The following EFHC1 variants were observed in gnomAD, a reference collection of about 807,000 sequenced individuals.
EFHC1 encodes EF-hand domain-containing protein 1.
In EFHC1, 53 loss-of-function variants were observed where a neutral mutation model predicts 69.9. That is an observed-to-expected ratio of 0.76 (90% CI 0.61 to 0.95). The LOEUF is 0.95. Ranked by LOEUF, EFHC1 falls within the 40% of genes least tolerant of loss-of-function variation. EFHC1 has a pLI of 0.00. For missense variants in EFHC1, 739 were observed against 798.7 expected (o/e 0.93, Z 0.90); for synonymous variants, 256 against 278.4 (o/e 0.92, Z 0.80).
rs188864545 is a variant in EFHC1, at chr6:52,476,481, C to T, written c.1279-2556C>T. Among the ~76,000 whole-genome samples, 143 of 152,278 alleles carry T rather than the reference C, an allele frequency of 9.4e-4. 1 individual carries two copies. Among genetic ancestry groups the T allele is most frequent in the East Asian group, 1.5e-3 (8 of 5,188 alleles). ...CAGGATTCCCATAATCTCAAAACAT[C>T]TCCCCCAAGATGTTTTGTAATTGCA... On this transcript the variant is annotated intron_variant, in intron 7 of 10. Coordinates refer to ENST00000371068, the MANE Select transcript of EFHC1 (RefSeq NM_018100.4).
At position 52,495,998 on chromosome 6, in the gene EFHC1, C is replaced by A. The variant is rs905028680; in HGVS notation, c.*3657C>A. 2.8e-5 allele frequency: 6 copies of A among 214,294 alleles called. 1 individual carries two copies. Among genetic ancestry groups the A allele is most frequent in the Admixed American group, 1.6e-4 (3 of 19,112 alleles). 13.3% of individuals were successfully genotyped at this position (214,294 alleles called of 1,614,324 possible). A position where few individuals can be genotyped will look rare whatever the true frequency, so the allele number is the denominator to read the frequency against. On this transcript the variant is annotated 3_prime_UTR_variant, in exon 11 of 11. Coordinates refer to ENST00000371068, the MANE Select transcript of EFHC1 (RefSeq NM_018100.4). Reference sequence around the variant, plus strand: ...CAAACGTCAGAGCAAATCACTTTTTCTACTAAAATCCTGAATGGCAGTGCA... The same window carrying A: ...CAAACGTCAGAGCAAATCACTTTTTATACTAAAATCCTGAATGGCAGTGCA...
At position 52,433,380 on chromosome 6, in the gene EFHC1, A is replaced by G. The variant is rs1450301212; in HGVS notation, c.286-4924A>G. Among the ~76,000 whole-genome samples, 4 of 152,246 alleles carry G rather than the reference A, an allele frequency of 2.6e-5. No individual in the cohort carries two copies. In the East Asian group the frequency reaches 7.7e-4, roughly 29 times the overall value. On this transcript the variant is annotated intron_variant, in intron 2 of 10. Coordinates refer to ENST00000371068, the MANE Select transcript of EFHC1 (RefSeq NM_018100.4). ...GTCCCACGGGGTGTTCCCTTGATGT[A>G]GCATTCTCTCCCTTTTCCTATGGAT...
intron 2 of EFHC1, among the ~76,000 whole-genome samples, chr6:52,428,787 CA>C (rs2113970766): frequency 6.6e-6 from 1 of 152,260 alleles, no homozygotes; most frequent in Admixed American, 6.5e-5. Context: ...AGGAATCTTC[CA>C]TAGTGGTTGT....
chr6:52,454,069 G>T, intron 4 of EFHC1, 26 bp from the exon 5 acceptor site: 1 of 1,611,776 alleles, frequency 6.2e-7, no homozygotes, highest in Non-Finnish European at 8.5e-7. Context: ...TAGGATTCTT[G>T]AGTCACTACT....
At chr6:52,477,805 G>A (rs1279386315) in intron 7 of EFHC1, among the ~76,000 whole-genome samples, 1 of 152,170 alleles carries the variant, frequency 6.6e-6, no homozygotes, top group South Asian at 2.1e-4. Flanking sequence ...TGGAGAAATA[G>A]GAACACTTTT....
intron 6 of EFHC1, among the ~76,000 whole-genome samples, chr6:52,468,224 A>G (rs1765353390): frequency 6.6e-6 from 1 of 152,194 alleles, no homozygotes; most frequent in South Asian, 2.1e-4. Context: ...TAAGGGTACT[A>G]CTAGCTTGGT....
At position 52,438,335 on chromosome 6, in the gene EFHC1, A is replaced by T; in HGVS notation, c.317A>T (p.Asp106Val). 6.2e-7 allele frequency: 1 copy of T among 1,613,628 alleles called. No individual in the cohort carries two copies. The highest frequency in any genetic ancestry group is 1.3e-5 in the African/African-American group (1 of 75,002). ...VLKFDAYFQEDVPMSTEEQYR... is the reference protein window; with the variant it reads ...VLKFDAYFQEVVPMSTEEQYR... Reference sequence around the variant, plus strand: ...AAATTTGATGCCTATTTCCAAGAAGATGTTCCTATGTCAACTGAGGAACAG... The same window carrying T: ...AAATTTGATGCCTATTTCCAAGAAGTTGTTCCTATGTCAACTGAGGAACAG... Residue 106 changes from aspartate to valine, a missense_variant, in exon 3 of 11, where the codon GAT becomes GTT. Transcript: ENST00000371068.
At chr6:52,491,321 G>T (rs1207962097) in intron 10 of EFHC1, among the ~76,000 whole-genome samples, 5 of 152,214 alleles carry the variant, frequency 3.3e-5, no homozygotes, top group African/African-American at 1.2e-4. Flanking sequence ...AGTGGAGCAG[G>T]GAAGTGGGGG....
chr6:52,490,097 A>C, intron 9 of EFHC1, 43 bp from the exon 10 acceptor site: 1 of 1,573,828 alleles, frequency 6.4e-7, no homozygotes. Context: ...AGACTGATCA[A>C]GAATAAATAC....
chr6:52,461,024 T>A (rs1765153967), intron 5 of EFHC1, among the ~76,000 whole-genome samples: 1 of 152,196 alleles, frequency 6.6e-6, no homozygotes, highest in South Asian at 2.1e-4. Context: ...TGTATTACAG[T>A]AATAGCATAA....
At chr6:52,421,780 A>G (rs1169065185) in intron 1 of EFHC1, among the ~76,000 whole-genome samples, 4 of 152,212 alleles carry the variant, frequency 2.6e-5, no homozygotes, top group Non-Finnish European at 4.4e-5. Context: ...TGGACTTTTC[A>G]GTTTTATGTA....
chr6:52,443,720 G>A (rs1000373783), intron 3 of EFHC1, among the ~76,000 whole-genome samples: 54 of 152,294 alleles, frequency 3.5e-4, no homozygotes, highest in African/African-American at 1.2e-3. Flanking sequence ...GTCAGGTAGC[G>A]TGATGCCTCC....
At chr6:52,469,237 T>C in intron 6 of EFHC1, 96 bp from the exon 7 acceptor site, 2 of 1,465,950 alleles carry the variant, frequency 1.4e-6, no homozygotes, top group South Asian at 2.4e-5. Context: ...TGCATAAGTA[T>C]TTTCTAGAGT....
At chr6:52,491,467 G>A (rs1765901924) in intron 10 of EFHC1, among the ~76,000 whole-genome samples, 2 of 152,210 alleles carry the variant, frequency 1.3e-5, no homozygotes, top group African/African-American at 4.8e-5. Flanking sequence ...GCAAGAGCCT[G>A]CTATTTAAAA....
At chr6:52,488,270 C>T (rs975011863) in intron 9 of EFHC1, 1 of 152,164 alleles carries the variant, frequency 6.6e-6, no homozygotes, top group African/African-American at 2.4e-5. Context: ...ATTTGAATTA[C>T]ATTCATCAGA....
Position 52,454,286 on chromosome 6 carries a change from A to G in EFHC1, c.915A>G (p.Ala305=), listed in dbSNP as rs1060503381. Residue 305 remains alanine, a splice_region_variant and synonymous_variant, in exon 5 of 11, where the codon GCA becomes GCG. Transcript: ENST00000371068. ...QRVPKVLVEN[A]KNFPQCVLEI... ...TGCCCAAAGTTTTGGTGGAAAATGC[A>G]AGTATGTTTGATTCAGTTTATTCTC... The G allele has an allele frequency of 6.2e-7, 1 of 1,613,958 alleles. No homozygotes were observed. The highest frequency in any genetic ancestry group is 2.2e-5 in the East Asian group (1 of 44,892).
chr6:52,431,720 G>T (rs1764418902), intron 2 of EFHC1, among the ~76,000 whole-genome samples: 1 of 152,230 alleles, frequency 6.6e-6, no homozygotes, highest in Middle Eastern at 3.4e-3. Context: ...AAGTCCATTT[G>T]TTCCAGGGTA....
chr6:52,435,987 T>C (rs554135308), intron 2 of EFHC1, among the ~76,000 whole-genome samples: 2 of 152,352 alleles, frequency 1.3e-5, no homozygotes, highest in East Asian at 3.9e-4. Flanking sequence ...ACCCCTTACA[T>C]GGCCTCAGGC....
chr6:52,445,848 A>G (rs926335792), intron 3 of EFHC1, among the ~76,000 whole-genome samples: 45 of 152,176 alleles, frequency 3.0e-4, no homozygotes, highest in African/African-American at 9.6e-4. Flanking sequence ...AGGTTGTTCA[A>G]TTTCCATGTA....
Sources: allele counts gnomAD v4.1 joint callset (sites outside exome capture counted in the v4.1 genomes callset), GRCh38; gene constraint gnomAD v4.1.1; transcripts MANE v1.5; gene names NCBI Gene and HGNC (gene_info 2026-07-23, HGNC 2026-07-21).